NID1: variants seen among roughly 807,000 people sequenced by gnomAD.
NID1 encodes nidogen-1.
NID1 carries 76 observed loss-of-function variants against 130.6 expected under a neutral mutation model. The observed-to-expected ratio is 0.58, with a 90% CI of 0.48 to 0.70. NID1 has a LOEUF of 0.70. NID1 is among the 30% of genes least tolerant of loss of function. The pLI, the probability that NID1 is intolerant of heterozygous loss-of-function variation, is 0.00. For synonymous variants in NID1, 665 were observed against 675.1 expected (o/e 0.98, Z 0.23); for missense variants, 1,517 against 1,664.8 (o/e 0.91, Z 1.54).
At chr1:236,049,853 C>T (rs140639157) in intron 1 of NID1, among the ~76,000 whole-genome samples, 4 of 151,872 alleles carry the variant, frequency 2.6e-5, no homozygotes, top group African/African-American at 9.7e-5. Context: ...GCCTGGCCAA[C>T]ATGGTGAAAC....
At chr1:235,995,864 A>C (rs1443831474) in intron 12 of NID1, among the ~76,000 whole-genome samples, 1 of 152,240 alleles carries the variant, frequency 6.6e-6, no homozygotes, top group African/African-American at 2.4e-5. Context: ...CATTTAGTCA[A>C]GAAGCATCTA....
chr1:236,062,933 ATCACGAGG>A (rs1330096609), intron 1 of NID1, among the ~76,000 whole-genome samples: 1 of 151,638 alleles, frequency 6.6e-6, no homozygotes, highest in Non-Finnish European at 1.5e-5. Context: ...AGGTGGGTGA[ATCACGAGG>A]TCAGGAGTTC....
Position 236,004,630 on chromosome 1 carries a change from C to T in NID1, c.2527+7291G>A, listed in dbSNP as rs571656056. 9.0e-4 allele frequency among the ~76,000 whole-genome samples: 137 copies of T among 151,462 alleles called. 1 individual carries two copies. The highest frequency in any genetic ancestry group is 1.7e-3 in the South Asian group (8 of 4,768). On this transcript the variant is annotated intron_variant, in intron 12 of 19. Coordinates refer to ENST00000264187, the MANE Select transcript of NID1 (RefSeq NM_002508.3). ...ACAAAAAATTAGCCAGGCGTGGTGG[C>T]GGGCGCCTGTAGTCCCAGCTACTCG... is the stretch of plus-strand genomic sequence containing the variant.
chr1:236,018,739 T>C (rs1478394470), intron 9 of NID1, among the ~76,000 whole-genome samples: 2 of 152,240 alleles, frequency 1.3e-5, no homozygotes, highest in African/African-American at 4.8e-5. Flanking sequence ...GCCCCTAGCC[T>C]AAAACAAATT....
At chr1:236,017,826 G>A (rs1168037399) in intron 9 of NID1, among the ~76,000 whole-genome samples, 2 of 152,122 alleles carry the variant, frequency 1.3e-5, no homozygotes, top group African/African-American at 4.8e-5. Flanking sequence ...TGAGCCTGGG[G>A]CCCCTGAACA....
At chr1:235,998,788 A>G (rs949594259) in intron 12 of NID1, among the ~76,000 whole-genome samples, 1 of 152,226 alleles carries the variant, frequency 6.6e-6, no homozygotes, top group African/African-American at 2.4e-5. Flanking sequence ...TTCCATTCAC[A>G]GATATGTTTC....
chr1:236,028,822 G>C lies in NID1; in HGVS notation c.1738+728C>G, dbSNP rs534622138. 1.1e-4 allele frequency among the ~76,000 whole-genome samples: 16 copies of C among 152,100 alleles called. No individual in the cohort carries two copies. The South Asian group carries it at 3.1e-3, about 30-fold the overall frequency. On this transcript the variant is annotated intron_variant, in intron 7 of 19. Transcript: ENST00000264187. ...TTTTTGGGCTTTGTTCAGTTTTCACGTAAGTTTGATATTATTTAAAACCAG... is the reference window on the plus strand; with the variant it reads ...TTTTTGGGCTTTGTTCAGTTTTCACCTAAGTTTGATATTATTTAAAACCAG...
rs558226219 is a variant in NID1, at chr1:236,038,310, G to A, written c.1136-57C>T. On this transcript the variant is annotated intron_variant, in intron 4 of 19. Coordinates refer to ENST00000264187, the MANE Select transcript of NID1 (RefSeq NM_002508.3). Reference sequence around the variant, plus strand: ...GCATTTCATGCAGCTCTAGCCCGGTGGGCTCTCTCATCTAGGCACCCTCAA... The same window carrying A: ...GCATTTCATGCAGCTCTAGCCCGGTAGGCTCTCTCATCTAGGCACCCTCAA... The A allele has an allele frequency of 7.6e-6, 12 of 1,570,724 alleles. No individual in the cohort carries two copies. In the South Asian group the frequency reaches 1.3e-4, roughly 17 times the overall value.
At position 236,041,920 on chromosome 1, in the gene NID1, T is replaced by G; in HGVS notation, c.1125A>C (p.Glu375Asp). Residue 375 changes from glutamate to aspartate, a missense_variant, in exon 4 of 20, where the codon GAA becomes GAC. Glu to Asp is a conservative substitution (Grantham distance 45). This residue lies in a region of NID1 where 1,329 missense variants were observed against 1,429.2 expected (regional missense o/e 0.93). Coordinates refer to ENST00000264187, the MANE Select transcript of NID1 (RefSeq NM_002508.3). ...CTTAAATGGTCTTACCAACTCCTGTTTCCTCAACTTCATCCACATCTATGA... is the reference window on the plus strand; with the variant it reads ...CTTAAATGGTCTTACCAACTCCTGTGTCCTCAACTTCATCCACATCTATGA... ...PQVIDVDEVE[E>D]TGVVFSYNTD... 1 of 1,605,930 alleles carries G rather than the reference T, an allele frequency of 6.2e-7. No homozygotes were observed. Among genetic ancestry groups the G allele is most frequent in the Non-Finnish European group, 8.5e-7 (1 of 1,174,976 alleles).
chr1:236,039,367 T>TTG (rs922814667), intron 4 of NID1, among the ~76,000 whole-genome samples: 9 of 151,690 alleles, frequency 5.9e-5, no homozygotes, highest in African/African-American at 2.2e-4. Context: ...GCGGGTGCCA[T>TTG]TGTGCCTGGC....
At chr1:236,049,134 CAT>C in intron 1 of NID1, 145 bp from the exon 2 acceptor site, 1 of 791,008 alleles carries the variant, frequency 1.3e-6, no homozygotes, top group Middle Eastern at 3.4e-4. Flanking sequence ...GCCTGAACCG[CAT>C]ACCCCAGCAT....
intron 14 of NID1, among the ~76,000 whole-genome samples, chr1:235,987,114 A>C (rs760710628): frequency 1.3e-5 from 2 of 152,230 alleles, no homozygotes; most frequent in Non-Finnish European, 2.9e-5. Context: ...TTGGTTTGAA[A>C]AGCCACTGAG....
Position 235,979,719 on chromosome 1 carries a change from C to G in NID1, c.3509+103G>C. The G allele has an allele frequency of 1.4e-6, 2 of 1,381,930 alleles. No individual in the cohort carries two copies. The highest frequency in any genetic ancestry group is 2.0e-6 in the Non-Finnish European group (2 of 988,708). 85.6% of individuals were successfully genotyped at this position (1,381,930 alleles called of 1,614,324 possible). A position where few individuals can be genotyped will look rare whatever the true frequency, so the allele number is the denominator to read the frequency against. Reference sequence around the variant, plus strand: ...TCTCTAGAGGGGGCATTTCTGGAGGCTCAAAAGTCAAGCCAAGAGGCCAGA... The same window carrying G: ...TCTCTAGAGGGGGCATTTCTGGAGGGTCAAAAGTCAAGCCAAGAGGCCAGA... On this transcript the variant is annotated intron_variant, in intron 18 of 19. Transcript: ENST00000264187. This position sits in a 1 kb window ranked among gnomAD's most constrained non-coding sequence, Gnocchi z 4.6.
chr1:236,015,783 C>T (rs903630208), intron 10 of NID1, among the ~76,000 whole-genome samples: 4 of 151,990 alleles, frequency 2.6e-5, no homozygotes, highest in African/African-American at 9.7e-5. Context: ...ACCAATGATC[C>T]GGTCTAATCA....
At chr1:235,990,726 A>T (rs974898748) in intron 14 of NID1, among the ~76,000 whole-genome samples, 160 bp downstream of exon 14, 1 of 151,514 alleles carries the variant, frequency 6.6e-6, no homozygotes, top group African/African-American at 2.4e-5. Context: ...CAGCTCAGCA[A>T]TACAGTGGCC....
At chr1:236,028,312 A>G (rs1229525180) in intron 7 of NID1, among the ~76,000 whole-genome samples, 2 of 152,242 alleles carry the variant, frequency 1.3e-5, no homozygotes, top group African/African-American at 2.4e-5. Context: ...AATAAAAACT[A>G]TAAGCATGGG....
At chr1:236,034,948 C>T (rs541205351) in intron 5 of NID1, among the ~76,000 whole-genome samples, 1 of 151,628 alleles carries the variant, frequency 6.6e-6, no homozygotes, top group South Asian at 2.1e-4. Flanking sequence ...ACACCCAGCC[C>T]CTCACAGGTT....
At chr1:236,015,647 CAAAAA>C (rs71559908) in intron 10 of NID1, among the ~76,000 whole-genome samples, 1 of 80,074 alleles carries the variant, frequency 1.2e-5, no homozygotes, top group Non-Finnish European at 2.4e-5. Flanking sequence ...AACCCTGTCT[CAAAAA>C]AAAAAAAAAA....
Position 236,038,849 on chromosome 1 carries a change from T to C in NID1, c.1136-596A>G, listed in dbSNP as rs1428312369. ...TAGGTCATATATAATAAATATTACC[T>C]ATGTTATATAGGTCATATATAATAT... On this transcript the variant is annotated intron_variant, in intron 4 of 19. Coordinates refer to ENST00000264187, the MANE Select transcript of NID1 (RefSeq NM_002508.3). Among the ~76,000 whole-genome samples the C allele has an allele frequency of 1.5e-5, 2 of 132,324 alleles. 1 individual carries two copies. The highest frequency in any genetic ancestry group is 3.0e-5 in the Non-Finnish European group (2 of 65,688). The allele number at this position is 132,324 out of a possible 152,430, so 86.8% of individuals were successfully genotyped here.
Sources: allele counts gnomAD v4.1 joint callset (sites outside exome capture counted in the v4.1 genomes callset), GRCh38; gene constraint gnomAD v4.1.1; regional missense constraint gnomAD v4.1.1; non-coding constraint Gnocchi (gnomAD v3.1); transcripts MANE v1.5; gene names NCBI Gene and HGNC (gene_info 2026-07-23, HGNC 2026-07-21).